Variants in VWA3B observed in about 807,000 individuals in gnomAD.
VWA3B encodes the protein von Willebrand factor A domain containing 3B, also known as von Willebrand factor A domain-containing protein 3B.
A neutral mutation model predicts 158.3 loss-of-function variants in VWA3B; 138 were observed. The ratio of observed to expected loss-of-function variants is 0.87; its 90% CI spans 0.76 to 1.00. The LOEUF (loss-of-function observed/expected upper bound fraction) is 1.00. VWA3B is among the 50% of genes least tolerant of loss of function. The pLI is 0.00. For missense variants in VWA3B, 1,555 were observed against 1,565.1 expected (o/e 0.99, Z 0.11); for synonymous variants, 596 against 587.3 (o/e 1.01, Z -0.21).
At chr2:98,201,399 C>G (rs1280105274) in intron 12 of VWA3B, among the ~76,000 whole-genome samples, 4 of 152,126 alleles carry the variant, frequency 2.6e-5, no homozygotes, top group African/African-American at 9.7e-5. Flanking sequence ...TTGTAGATTA[C>G]TTGGGATTTC....
At chr2:98,319,756 T>G in the VWA3B span, among the ~76,000 whole-genome samples, 1 of 152,014 alleles carries the variant, frequency 6.6e-6, no homozygotes, top group African/African-American at 2.4e-5. Flanking sequence ...GGTGCATGCC[T>G]GTAATCCTAG....
intron 14 of VWA3B, among the ~76,000 whole-genome samples, chr2:98,218,467 A>G (rs528733244): frequency 6.6e-6 from 1 of 152,326 alleles, no homozygotes; most frequent in Admixed American, 6.5e-5. Flanking sequence ...AGGGAGCTAT[A>G]TGTGAAGTTT....
Position 98,092,828 on chromosome 2 carries a change from A to G in VWA3B, c.-32-233A>G, listed in dbSNP as rs896679325. Among the ~76,000 whole-genome samples the G allele has an allele frequency of 4.0e-4, 43 of 106,610 alleles. 2 individuals carry two copies. Among genetic ancestry groups the G allele is most frequent in the East Asian group, 2.0e-3 (7 of 3,416 alleles). The allele number at this position is 106,610 out of a possible 152,430, so 69.9% of individuals were successfully genotyped here. ...TCTAGATGTTTTTGTATATATATAT[A>G]TATATATATATATATATATATATAT... On this transcript the variant is annotated intron_variant, in intron 1 of 27. Coordinates refer to ENST00000477737, the MANE Select transcript of VWA3B (RefSeq NM_144992.5).
At chr2:98,277,879 T>A (rs949677409) in intron 22 of VWA3B, among the ~76,000 whole-genome samples, 1 of 152,186 alleles carries the variant, frequency 6.6e-6, no homozygotes, top group Non-Finnish European at 1.5e-5. Flanking sequence ...TTATCAGTTA[T>A]GTAAAATAAA....
At chr2:98,234,587 C>A in intron 16 of VWA3B, 61 bp from the exon 17 acceptor site, 1 of 1,608,306 alleles carries the variant, frequency 6.2e-7, no homozygotes, top group Non-Finnish European at 8.5e-7. Context: ...ATAGTTATAT[C>A]TAATGAAGTA....
chr2:98,154,301 C>T (rs1369832673), intron 7 of VWA3B, among the ~76,000 whole-genome samples: 2 of 152,206 alleles, frequency 1.3e-5, no homozygotes, highest in Non-Finnish European at 2.9e-5. Flanking sequence ...TCCCAGTCGG[C>T]GGGGAGCCCC....
intron 26 of VWA3B, among the ~76,000 whole-genome samples, chr2:98,305,669 C>G (rs1690477117): frequency 6.6e-6 from 1 of 152,114 alleles, no homozygotes; most frequent in South Asian, 2.1e-4. Flanking sequence ...ACCCACAAGT[C>G]ACGGAGCTGT....
intron 12 of VWA3B, among the ~76,000 whole-genome samples, chr2:98,210,762 C>CA (rs1211579844): frequency 6.6e-6 from 1 of 152,174 alleles, no homozygotes; most frequent in African/African-American, 2.4e-5. Flanking sequence ...GGGATGGGGG[C>CA]AGAGTCTGTT....
chr2:98,163,747 C>T (rs1678842221), intron 8 of VWA3B, among the ~76,000 whole-genome samples: 1 of 152,118 alleles, frequency 6.6e-6, no homozygotes, highest in Non-Finnish European at 1.5e-5. Context: ...TCTCGCTAAA[C>T]CAACTTGACA....
At chr2:98,298,432 CTATTCTATTCT>C (rs1558773804) in intron 24 of VWA3B, among the ~76,000 whole-genome samples, 3,273 of 149,790 alleles carry the variant, frequency 0.022, 64 homozygotes, top group South Asian at 0.037. Flanking sequence ...CTATTCTATT[CTATTCTATTCT>C]ATGCCATGCC....
intron 22 of VWA3B, among the ~76,000 whole-genome samples, chr2:98,288,048 C>T (rs971991474): frequency 1.3e-5 from 2 of 152,200 alleles, no homozygotes; most frequent in Non-Finnish European, 2.9e-5. Context: ...CCCTTTACCT[C>T]ATAGACTATG....
intron 6 of VWA3B, 40 bp from the exon 7 acceptor site, chr2:98,133,784 T>C (rs1485634575): frequency 1.9e-6 from 3 of 1,581,768 alleles, no homozygotes; most frequent in Non-Finnish European, 2.6e-6. Flanking sequence ...CACGGACACC[T>C]GCGTACTGCC....
downstream of VWA3B, among the ~76,000 whole-genome samples, chr2:98,316,041 G>T (rs1691078515): frequency 6.6e-6 from 1 of 152,130 alleles, no homozygotes; most frequent in Admixed American, 6.5e-5. Flanking sequence ...TTTTTCCTAG[G>T]AGACACACAA....
At chr2:98,102,018 C>T (rs1009704499) in intron 2 of VWA3B, among the ~76,000 whole-genome samples, 6 of 152,212 alleles carry the variant, frequency 3.9e-5, no homozygotes, top group East Asian at 3.9e-4. Flanking sequence ...GAGGTCCCTG[C>T]GGCCTTCCGC....
rs80067699 is a variant in VWA3B at position 98,137,065 on chromosome 2, G to C, written c.988+3126G>C. 3.5e-4 allele frequency among the ~76,000 whole-genome samples: 53 copies of C among 152,268 alleles called. 1 individual carries two copies. In the East Asian group the frequency reaches 0.01, roughly 29 times the overall value. On this transcript the variant is annotated intron_variant, in intron 7 of 27. Coordinates refer to ENST00000477737, the MANE Select transcript of VWA3B (RefSeq NM_144992.5). ...GATTCATCCACCCATGGACTTTTGG[G>C]TTGCTTCTACCTTTTGTCTGTTGGG...
chr2:98,268,094 C>T (rs539279568), intron 21 of VWA3B, among the ~76,000 whole-genome samples: 37 of 151,520 alleles, frequency 2.4e-4, no homozygotes, highest in African/African-American at 7.3e-4. Context: ...GATTCACAGC[C>T]GAATTCTACC....
intron 12 of VWA3B, among the ~76,000 whole-genome samples, chr2:98,204,746 C>G (rs1259467086): frequency 6.6e-6 from 1 of 152,108 alleles, no homozygotes; most frequent in Non-Finnish European, 1.5e-5. Flanking sequence ...GGGAAGTATT[C>G]CCTCCCCTTC....
intron 14 of VWA3B, 143 bp downstream of exon 14, chr2:98,218,171 A>C: frequency 1.1e-6 from 1 of 915,504 alleles, no homozygotes; most frequent in South Asian, 2.0e-5. Flanking sequence ...CAATGAGTGT[A>C]CCAGTGTTTC....
At chr2:98,136,066 CAG>C (rs1469161983) in intron 7 of VWA3B, among the ~76,000 whole-genome samples, 4 of 152,078 alleles carry the variant, frequency 2.6e-5, no homozygotes, top group Admixed American at 1.3e-4. Context: ...AAGCATAGCT[CAG>C]AGGACTTTTC....
Sources: gnomAD v4.1 joint callset for allele counts (sites outside exome capture counted in the v4.1 genomes callset) on GRCh38, gnomAD v4.1.1 for gene constraint, MANE v1.5 for transcripts, NCBI Gene and HGNC (gene_info 2026-07-23, HGNC 2026-07-21) for gene names.